ANKRD36: variants seen among roughly 807,000 people sequenced by gnomAD.
ANKRD36 encodes the protein ankyrin repeat domain 36, also known as ankyrin repeat domain-containing protein 36A.
A neutral mutation model predicts 278.1 loss-of-function variants in ANKRD36; 179 were observed. The ratio of observed to expected loss-of-function variants is 0.64; its 90% confidence interval spans 0.57 to 0.73. The LOEUF (loss-of-function observed/expected upper bound fraction) is 0.73, where lower values mean the gene tolerates loss of function less well. Ranked by LOEUF, ANKRD36 falls within the 30% of genes least tolerant of loss-of-function variation. The pLI is 0.00. For synonymous variants in ANKRD36, 320 were observed against 641.1 expected, an observed-to-expected ratio of 0.50 and a Z score of 7.57; for missense variants, 1,159 against 1,956.7, an observed-to-expected ratio of 0.59 and a Z score of 7.69.
At chr2:97,219,859 G>C (rs1401275584) in intron 66 of ANKRD36, among the ~76,000 whole-genome samples, 1 of 144,760 alleles carries the variant, frequency 6.9e-6, no homozygotes, top group Non-Finnish European at 1.5e-5. Context: ...AATTTCAATA[G>C]TTTTTAGCGA....
At chr2:97,219,792 G>A (rs2066913682) in intron 66 of ANKRD36, among the ~76,000 whole-genome samples, 1 of 138,474 alleles carries the variant, frequency 7.2e-6, no homozygotes, top group Non-Finnish European at 1.5e-5. Context: ...AAAAATATAA[G>A]GTTTTATTCA....
chr2:97,228,932 T>G (rs2070916090), intron 67 of ANKRD36, among the ~76,000 whole-genome samples: 1 of 152,068 alleles, frequency 6.6e-6, no homozygotes, highest in African/African-American at 2.4e-5. Context: ...TCAGTTTCCA[T>G]GTAGTTGAGC....
At chr2:97,182,271 GTTAT>G (rs1426566678) in intron 26 of ANKRD36, among the ~76,000 whole-genome samples, 2 of 111,218 alleles carry the variant, frequency 1.8e-5, no homozygotes, top group African/African-American at 5.2e-5. Flanking sequence ...GGGAAAATAA[GTTAT>G]TTATGTAATT....
At chr2:97,137,837 T>G (rs1411378911) in intron 6 of ANKRD36, among the ~76,000 whole-genome samples, 1 of 152,146 alleles carries the variant, frequency 6.6e-6, no homozygotes, top group Non-Finnish European at 1.5e-5. Context: ...TGGTTTTGAT[T>G]TGCATTTCTC....
In ANKRD36 at chr2:97,180,592, CT is replaced by C. The variant is rs200879502; in HGVS notation, c.1735+660del. Among the ~76,000 whole-genome samples the C allele has an allele frequency of 6.9e-3, 1,043 of 151,748 alleles. 52 individuals carry two copies. In the East Asian group the frequency reaches 0.11, roughly 16 times the overall value. On this transcript the variant is annotated intron_variant, in intron 24 of 75. Coordinates refer to ENST00000420699, the MANE Select transcript of ANKRD36 (RefSeq NM_001354587.1). ...GATAAACCACAGTGACTCATTACTC[CT>C]CTTTGCTACTATTAGGCATCAGGGA...
chr2:97,178,100 G>C (rs1297980484), intron 22 of ANKRD36, among the ~76,000 whole-genome samples: 2 of 150,784 alleles, frequency 1.3e-5, no homozygotes, highest in Admixed American at 6.7e-5. Context: ...CTGGCCATCA[G>C]AGAAATGCAA....
intron 6 of ANKRD36, among the ~76,000 whole-genome samples, chr2:97,135,147 T>C (rs2443903): frequency 7.9e-5 from 12 of 151,970 alleles, no homozygotes; most frequent in South Asian, 2.1e-4. Flanking sequence ...TTTTCATAGA[T>C]CTAGATTTTT....
chr2:97,216,197 A>C (rs1442491311), intron 62 of ANKRD36, among the ~76,000 whole-genome samples: 3 of 152,024 alleles, frequency 2.0e-5, no homozygotes, highest in African/African-American at 7.2e-5. Context: ...TGTTTTGTTG[A>C]TTTTAGTTAT....
rs972082627 is a variant in ANKRD36, at chr2:97,203,982, A to G, written c.2960-86A>G. 7.2e-5 allele frequency: 110 copies of G among 1,521,164 alleles called. 1 individual carries two copies. The highest frequency in any genetic ancestry group is 2.8e-4 in the African/African-American group (20 of 71,270). The allele number at this position is 1,521,164 out of a possible 1,614,324, so 94.2% of individuals were successfully genotyped here. On this transcript the variant is annotated intron_variant, in intron 48 of 75. Transcript: ENST00000420699. ...CATACGCTAATACAGGCAGGAGGAC[A>G]GAGGCTGATGCTAACACTGCATGAA...
Position 97,209,859 on chromosome 2 carries a change from A to C in ANKRD36, c.3354A>C (p.Glu1118Asp), listed in dbSNP as rs1305826231. The change falls in exon 56 of 76, where the codon GAA becomes GAC. Residue 1118 changes from glutamate (E) to aspartate (D), a missense_variant. Glu to Asp is a conservative substitution (Grantham distance 45). Coordinates refer to ENST00000420699, the MANE Select transcript of ANKRD36 (RefSeq NM_001354587.1). ...TAGCCAGAGAAAAAAAGGATGGAGA[A>C]AAATCTAGGACAGGTAATTTTGAAA... ...LYIAREKKDG[E>D]KSRTVSSPKQ... The C allele has an allele frequency of 3.1e-5, 49 of 1,583,760 alleles. No individual in the cohort carries two copies. The highest frequency in any genetic ancestry group is 4.2e-5 in the Non-Finnish European group (49 of 1,168,110).
chr2:97,218,571 C>G (rs2066556271), intron 64 of ANKRD36, among the ~76,000 whole-genome samples: 1 of 151,712 alleles, frequency 6.6e-6, no homozygotes, highest in South Asian at 2.1e-4. Context: ...AGTGTATGTT[C>G]AACTGAAGTG....
At position 97,179,847 on chromosome 2, in the gene ANKRD36, C is replaced by G. The variant is rs2055610624; in HGVS notation, c.1663-14C>G. 6.2e-7 allele frequency: 1 copy of G among 1,603,556 alleles called. No individual in the cohort carries two copies. Among genetic ancestry groups the G allele is most frequent in the Admixed American group, 1.7e-5 (1 of 59,594 alleles). On this transcript the variant is annotated splice_polypyrimidine_tract_variant and intron_variant, in intron 23 of 75. Transcript: ENST00000420699. Reference sequence around the variant, plus strand: ...ACTTTACATATTGATTATTTTGCTTCAAATCCCATTCAGGCTACAAGTGAC... The same window carrying G: ...ACTTTACATATTGATTATTTTGCTTGAAATCCCATTCAGGCTACAAGTGAC...
chr2:97,177,328 T>C (rs2153533000), intron 22 of ANKRD36, among the ~76,000 whole-genome samples: 1 of 152,014 alleles, frequency 6.6e-6, no homozygotes, highest in Non-Finnish European at 1.5e-5. Flanking sequence ...AAAAAACTAC[T>C]TTAAAGTTCA....
intron 52 of ANKRD36, 136 bp downstream of exon 52, chr2:97,206,271 C>G (rs141590622): frequency 6.6e-4 from 698 of 1,064,854 alleles, no homozygotes; most frequent in Middle Eastern, 1.6e-3. Flanking sequence ...ATTTGTAGTA[C>G]GTTCTTGGGT....
At position 97,192,844 on chromosome 2, in the gene ANKRD36, C is replaced by G. The variant is rs1341462181; in HGVS notation, c.2348-14C>G. ...GTTACATATGAGTGATTATGTATCC[C>G]TTTTGCTTTTCAGTGTCTTCTCAGA... On this transcript the variant is annotated splice_polypyrimidine_tract_variant and intron_variant, in intron 36 of 75. Coordinates refer to ENST00000420699, the MANE Select transcript of ANKRD36 (RefSeq NM_001354587.1). 1.2e-6 allele frequency: 2 copies of G among 1,600,634 alleles called. No homozygotes were observed. Among genetic ancestry groups the G allele is most frequent in the African/African-American group, 2.7e-5 (2 of 74,560 alleles).
chr2:97,202,485 T>G, intron 48 of ANKRD36, 92 bp downstream of exon 48: 3 of 1,508,210 alleles, frequency 2.0e-6, no homozygotes, highest in Non-Finnish European at 1.8e-6. Context: ...TCGTCGAAGC[T>G]GCACTTTCTG....
At chr2:97,192,221 A>G (rs371761670) in intron 36 of ANKRD36, among the ~76,000 whole-genome samples, 1 of 151,390 alleles carries the variant, frequency 6.6e-6, no homozygotes, top group Non-Finnish European at 1.5e-5. Flanking sequence ...AAGAAACTTT[A>G]GGAAGGCTAA....
At chr2:97,171,265 G>A (rs1179541073) in intron 22 of ANKRD36, among the ~76,000 whole-genome samples, 1 of 142,556 alleles carries the variant, frequency 7.0e-6, no homozygotes, top group Non-Finnish European at 1.5e-5. Flanking sequence ...TGTTTATTGC[G>A]GCACTATTCA....
chr2:97,118,303 A>G (rs780106234), intron 2 of ANKRD36, 41 bp from the exon 3 acceptor site: 3 of 1,611,168 alleles, frequency 1.9e-6, no homozygotes, highest in Non-Finnish European at 2.5e-6. Context: ...GTTTATTTTG[A>G]TTTTTCAGTA....
Sources: gnomAD v4.1 joint callset for allele counts (sites outside exome capture counted in the v4.1 genomes callset) on GRCh38, gnomAD v4.1.1 for gene constraint, MANE v1.5 for transcripts, NCBI Gene and HGNC (gene_info 2026-07-23, HGNC 2026-07-21) for gene names.